DIPK1A: variants seen among roughly 807,000 people sequenced by gnomAD.
DIPK1A encodes divergent protein kinase domain 1A.
DIPK1A carries 27 observed loss-of-function variants against 40.8 expected under a neutral mutation model. The ratio of observed to expected loss-of-function variants is 0.66; its 90% confidence interval spans 0.49 to 0.91. The LOEUF is 0.91. DIPK1A is among the 40% of genes least tolerant of loss of function. The probability of loss-of-function intolerance (pLI) is 0.00; values close to 1 mark genes in which losing one functional copy is unlikely to be tolerated. For missense variants in DIPK1A, 412 were observed against 505.7 expected, an observed-to-expected ratio of 0.81 and a Z score of 1.78; for synonymous variants, 166 against 171.3, an observed-to-expected ratio of 0.97 and a Z score of 0.24.
At chr1:92,942,423 A>G (rs1208542947) in intron 1 of DIPK1A, among the ~76,000 whole-genome samples, 2 of 152,236 alleles carry the variant, frequency 1.3e-5, no homozygotes, top group African/African-American at 4.8e-5. Flanking sequence ...GAACAGCATT[A>G]TGAGTAAAGT....
downstream of DIPK1A, among the ~76,000 whole-genome samples, chr1:92,839,789 C>T (rs1317729789): frequency 1.3e-5 from 2 of 152,026 alleles, no homozygotes; most frequent in East Asian, 3.8e-4. Context: ...TAGAGTGACT[C>T]AAGAAGTGTG....
At chr1:92,952,417 C>T (rs929440303) in intron 1 of DIPK1A, among the ~76,000 whole-genome samples, 9 of 152,048 alleles carry the variant, frequency 5.9e-5, no homozygotes, top group South Asian at 2.1e-4. Context: ...CCCAGGAGTT[C>T]GAGACCAGCC....
intron 1 of DIPK1A, among the ~76,000 whole-genome samples, chr1:92,892,195 G>C (rs571739971): frequency 9.9e-5 from 15 of 152,162 alleles, no homozygotes; most frequent in Admixed American, 1.3e-4. Context: ...ATCTGAGAAC[G>C]GACAGACTGC....
intron 1 of DIPK1A, among the ~76,000 whole-genome samples, chr1:92,877,793 G>T (rs1198527809): frequency 2.6e-5 from 4 of 152,194 alleles, no homozygotes; most frequent in Non-Finnish European, 5.9e-5. Context: ...GGGTTTGTTT[G>T]AAAGATATTT....
chr1:92,892,070 C>T (rs1648913491), intron 1 of DIPK1A, among the ~76,000 whole-genome samples: 1 of 152,088 alleles, frequency 6.6e-6, no homozygotes, highest in South Asian at 2.1e-4. Context: ...CTGTAGACTC[C>T]ACTTCTGGGG....
intron 3 of DIPK1A, among the ~76,000 whole-genome samples, chr1:92,850,349 AAAC>A (rs1207371597): frequency 6.1e-5 from 9 of 147,716 alleles, no homozygotes; most frequent in Non-Finnish European, 1.4e-4. Flanking sequence ...AAACAAAACA[AAAC>A]AGTGTCTGGA....
rs574456487 is a variant in DIPK1A, at chr1:92,925,292, T to C, written c.54+36084A>G. On this transcript the variant is annotated intron_variant, in intron 1 of 4. Coordinates refer to ENST00000370310, the MANE Select transcript of DIPK1A (RefSeq NM_001006605.5). ...CTAGATTTTAGTATCTGAATTATAC[T>C]AGCCTCACAAAATTAGTTGAGAAGT... 1.4e-3 allele frequency among the ~76,000 whole-genome samples: 215 copies of C among 152,338 alleles called. 2 individuals carry two copies. Among genetic ancestry groups the C allele is most frequent in the African/African-American group, 5.0e-3 (208 of 41,584 alleles).
At chr1:92,868,005 C>A (rs1477592988) in intron 2 of DIPK1A, among the ~76,000 whole-genome samples, 1 of 152,152 alleles carries the variant, frequency 6.6e-6, no homozygotes, top group East Asian at 1.9e-4. Flanking sequence ...GACTTGAGAA[C>A]CTTCTCTATG....
chr1:92,845,506 TAGA>T (rs1687568909), intron 4 of DIPK1A: 1 of 183,908 alleles, frequency 5.4e-6, no homozygotes. Context: ...GTGTCTATGC[TAGA>T]AAAAAAAAAA....
chr1:92,887,429 A>C (rs894315052), intron 1 of DIPK1A, among the ~76,000 whole-genome samples: 16 of 152,122 alleles, frequency 1.1e-4, no homozygotes, highest in African/African-American at 3.9e-4. Flanking sequence ...CTGTCTCAAA[A>C]ACAAAAGCAA....
chr1:92,927,534 A>T (rs1309332958), intron 1 of DIPK1A, among the ~76,000 whole-genome samples: 2 of 151,984 alleles, frequency 1.3e-5, no homozygotes, highest in East Asian at 3.9e-4. Context: ...AAATATACTC[A>T]TAGGTTTGGA....
At chr1:92,859,952 T>C (rs948485176) in intron 2 of DIPK1A, among the ~76,000 whole-genome samples, 1 of 152,228 alleles carries the variant, frequency 6.6e-6, no homozygotes, top group Non-Finnish European at 1.5e-5. Context: ...TCTGCCTGCC[T>C]TGGTCTCCCA....
rs189862646 is a variant in DIPK1A, at chr1:92,891,691, G to A, written c.55-15261C>T. ...ACAGTGGGTGCAGTGCACCGAGCCT[G>A]AGCTGAAGCAGGGTGAGGCATTGCC... On this transcript the variant is annotated intron_variant, in intron 1 of 4. Coordinates refer to ENST00000370310, the MANE Select transcript of DIPK1A (RefSeq NM_001006605.5). Among the ~76,000 whole-genome samples, 1,312 of 152,268 alleles carry A rather than the reference G, an allele frequency of 8.6e-3. 27 individuals carry two copies. The highest frequency in any genetic ancestry group is 0.029 in the African/African-American group (1,222 of 41,552).
At chr1:92,934,289 G>T (rs1031649069) in intron 1 of DIPK1A, among the ~76,000 whole-genome samples, 1 of 152,114 alleles carries the variant, frequency 6.6e-6, no homozygotes. Context: ...GTTAAATCTA[G>T]ATGTAAACTG....
At chr1:92,928,917 G>A (rs954784150) in intron 1 of DIPK1A, among the ~76,000 whole-genome samples, 5 of 151,832 alleles carry the variant, frequency 3.3e-5, no homozygotes, top group Admixed American at 1.3e-4. Flanking sequence ...AGCCAAAACC[G>A]CACCACTGAA....
intron 4 of DIPK1A, among the ~76,000 whole-genome samples, chr1:92,834,167 A>G (rs1044963695): frequency 3.9e-5 from 6 of 152,190 alleles, no homozygotes; most frequent in Non-Finnish European, 7.3e-5. Flanking sequence ...TTCCAGTAGA[A>G]GAATAGGGTT....
At chr1:92,917,800 A>G (rs1178349517) in intron 1 of DIPK1A, among the ~76,000 whole-genome samples, 3 of 152,220 alleles carry the variant, frequency 2.0e-5, no homozygotes, top group Non-Finnish European at 4.4e-5. Flanking sequence ...CCTACATTCC[A>G]TAAGGAAAAA....
At chr1:92,851,806 C>A (rs1687835828) in intron 2 of DIPK1A, among the ~76,000 whole-genome samples, 1 of 152,126 alleles carries the variant, frequency 6.6e-6, no homozygotes, top group Non-Finnish European at 1.5e-5. Flanking sequence ...CACTCTCAGA[C>A]AAAGTTGGCA....
intron 1 of DIPK1A, among the ~76,000 whole-genome samples, chr1:92,890,529 G>T (rs1015739507): frequency 2.0e-5 from 3 of 152,100 alleles, no homozygotes; most frequent in African/African-American, 7.2e-5. Flanking sequence ...TCATGAAAAG[G>T]TGTTTAATTT....
Sources: allele counts gnomAD v4.1 joint callset (sites outside exome capture counted in the v4.1 genomes callset), GRCh38; gene constraint gnomAD v4.1.1; transcripts MANE v1.5; gene names NCBI Gene and HGNC (gene_info 2026-07-23, HGNC 2026-07-21).